Variants in MUTYH observed in about 807,000 individuals in gnomAD.
The protein encoded by MUTYH is mutY DNA glycosylase.
Under a neutral mutation model 72.9 loss-of-function variants are expected in MUTYH, and 64 were observed. The observed-to-expected ratio is 0.88, with a 90% CI of 0.72 to 1.08. The LOEUF (loss-of-function observed/expected upper bound fraction) is 1.08, where lower values mean the gene tolerates loss of function less well. MUTYH is among the 50% of genes least tolerant of loss of function. The probability of loss-of-function intolerance (pLI) is 0.00; values close to 1 mark genes in which losing one functional copy is unlikely to be tolerated. For missense variants in MUTYH, 633 were observed against 671.0 expected (o/e 0.94, Z 0.63); for synonymous variants, 234 against 263.1 (o/e 0.89, Z 1.07).
chr1:45,330,683 C>G, intron 14 of MUTYH, 126 bp from the exon 15 acceptor site: 2 of 1,147,506 alleles, frequency 1.7e-6, no homozygotes, highest in Non-Finnish European at 2.6e-6. Context: ...GGCATGGTGG[C>G]TCACGCCTAT....
rs1553128898 is a variant in MUTYH, at chr1:45,332,796, A to G, written c.459T>C (p.Ser153=). The change falls in exon 7 of 16, where the codon TCT becomes TCC. Residue 153 remains serine, a synonymous_variant. Transcript: ENST00000456914. ...NQLWAGLGYY[S]RGRRLQEGAR... is the part of the protein sequence containing the mutation. The stretch of plus-strand genomic sequence containing the variant: ...CTCCCTCCTGCAGCCGCCGGCCACG[A>G]GAATAGTAGCCCAGGCCAGCCCAGA... 2 of 1,614,102 alleles carry G rather than the reference A, an allele frequency of 1.2e-6. No homozygotes were observed. Among genetic ancestry groups the G allele is most frequent in the Non-Finnish European group, 1.7e-6 (2 of 1,180,000 alleles).
At chr1:45,338,273 G>C (rs1361614128) in intron 1 of MUTYH, 7 of 533,084 alleles carry the variant, frequency 1.3e-5, no homozygotes, top group South Asian at 3.1e-5. Flanking sequence ...CCAGTGATCC[G>C]GGCACCATCC....
chr1:45,336,447 G>T (rs1026540536), intron 1 of MUTYH, among the ~76,000 whole-genome samples: 1 of 152,194 alleles, frequency 6.6e-6, no homozygotes, highest in Admixed American at 6.5e-5. Context: ...ATCTACAAAA[G>T]AAGTGAAAAT....
At chr1:45,339,980 C>T (rs776814505), upstream of MUTYH, 3 of 1,530,304 alleles carry the variant, frequency 2.0e-6, no homozygotes, top group East Asian at 2.5e-5. Flanking sequence ...GATTACCTCC[C>T]GCGAGCTCTA....
intron 2 of MUTYH, among the ~76,000 whole-genome samples, chr1:45,333,798 C>T (rs1332579973): frequency 1.3e-5 from 2 of 152,144 alleles, no homozygotes; most frequent in African/African-American, 4.8e-5. Flanking sequence ...ATAATGAAAA[C>T]CTAATAGTTT....
intron 2 of MUTYH, among the ~76,000 whole-genome samples, chr1:45,333,937 G>A (rs1464917030): frequency 6.6e-6 from 1 of 152,168 alleles, no homozygotes; most frequent in Non-Finnish European, 1.5e-5. Flanking sequence ...CATTTTACTG[G>A]TAAGAAAGCA....
Position 45,333,178 on chromosome 1 carries a change from A to G in MUTYH, c.305-8T>C, listed in dbSNP as rs549410558. 1.2e-6 allele frequency: 2 copies of G among 1,614,156 alleles called. No individual in the cohort carries two copies. The highest frequency in any genetic ancestry group is 2.7e-5 in the African/African-American group (2 of 75,036). ...TGACCTCTGAGACCCACACTGGGGG[A>G]AAGGGGTTGGCATGAGGACACTGCT... On this transcript the variant is annotated splice_region_variant and splice_polypyrimidine_tract_variant and intron_variant, in intron 4 of 15. Transcript: ENST00000456914.
rs755635173 is a variant in MUTYH at position 45,332,437 on chromosome 1, C to T, written c.658G>A (p.Ala220Thr). Residue 220 changes from alanine to threonine, a missense_variant, in exon 9 of 16, where the codon GCC (alanine) becomes ACC (threonine). Physicochemically the swap from Ala to Thr is moderately conservative, Grantham distance 58 (BLOSUM62 0). Transcript: ENST00000456914. Reference protein sequence around the residue: ...NVARVLCRVRAIGADPSSTLV... With the variant: ...NVARVLCRVRTIGADPSSTLV... ...GTGCTGCTGGGATCAGCACCAATGG[C>T]TCGGACACGGCACAGCACCCGTGCT... 6.2e-7 allele frequency: 1 copy of T among 1,614,172 alleles called. No individual in the cohort carries two copies. The highest frequency in any genetic ancestry group is 1.7e-5 in the Admixed American group (1 of 60,034).
chr1:45,338,526 C>A (rs1016313702), intron 1 of MUTYH: 2 of 331,798 alleles, frequency 6.0e-6, no homozygotes, highest in African/African-American at 2.1e-5. Context: ...TTTTACATTA[C>A]TTTGATTCTT....
intron 1 of MUTYH, among the ~76,000 whole-genome samples, chr1:45,335,969 CA>C (rs1645820072): frequency 6.6e-6 from 1 of 152,136 alleles, no homozygotes; most frequent in African/African-American, 2.4e-5. Flanking sequence ...GCCTAAAGTC[CA>C]AACTCACTAA....
At position 45,333,621 on chromosome 1, in the gene MUTYH, G is replaced by A. The variant is rs777768682; in HGVS notation, c.116-60C>T. On this transcript the variant is annotated intron_variant, in intron 2 of 15. Coordinates refer to ENST00000456914, the MANE Select transcript of MUTYH (RefSeq NM_001048174.2). ...TGCACAGGCTGTGCATCAGGGTCTT[G>A]GGACACAGCAGCCTGTGGCAGTATG... The A allele has an allele frequency of 6.3e-7, 1 of 1,594,672 alleles. No individual in the cohort carries two copies. Among genetic ancestry groups the A allele is most frequent in the South Asian group, 1.1e-5 (1 of 89,940 alleles).
rs11403361 is a variant in MUTYH, at chr1:45,338,744, GTTT to G, written c.-7+1152_-7+1154del. 3.8e-4 allele frequency: 37 copies of G among 96,666 alleles called. 1 individual carries two copies. Among genetic ancestry groups the G allele is most frequent in the Admixed American group, 1.7e-3 (18 of 10,518 alleles). 6.0% of individuals were successfully genotyped at this position (96,666 alleles called of 1,614,324 possible). ...AAATCCAAAGAGTTTTTTTATTTTT[GTTT>G]TTTTTTTGTTTGTTTGTTTTGTTTT... On this transcript the variant is annotated intron_variant, in intron 1 of 15. Coordinates refer to ENST00000456914, the MANE Select transcript of MUTYH (RefSeq NM_001048174.2).
rs769713498 is a variant in MUTYH at position 45,329,457 on chromosome 1, G to C, written c.1435-20C>G. On this transcript the variant is annotated intron_variant, in intron 15 of 15. Coordinates refer to ENST00000456914, the MANE Select transcript of MUTYH (RefSeq NM_001048174.2). The stretch of plus-strand genomic sequence containing the variant: ...GGAACCCTGTGAAAAAATGGAAGGA[G>C]GGAGGCCTTGTAGTTGGGGGAGGGG... 6.2e-7 allele frequency: 1 copy of C among 1,613,684 alleles called. No homozygotes were observed.
chr1:45,338,716 G>A (rs1646350223), intron 1 of MUTYH: 1 of 174,274 alleles, frequency 5.7e-6, no homozygotes. Context: ...TTTAGGATAG[G>A]AGAAATCCAA....
chr1:45,329,517 T>TC, intron 15 of MUTYH, 80 bp from the exon 16 acceptor site: 2 of 1,557,672 alleles, frequency 1.3e-6, no homozygotes, highest in Non-Finnish European at 1.8e-6. Flanking sequence ...TCTCTCCCTT[T>TC]CCCCGACTCT....
rs200965879 is a variant in MUTYH, at chr1:45,332,588, T to C, written c.592A>G (p.Ile198Val). The change falls in exon 8 of 16, where the codon ATC (isoleucine) becomes GTC (valine). Residue 198 changes from isoleucine (I) to valine (V), a missense_variant. Ile to Val is a conservative substitution (Grantham distance 29). Coordinates refer to ENST00000456914, the MANE Select transcript of MUTYH (RefSeq NM_001048174.2). The stretch of plus-strand genomic sequence containing the variant: ...TGTGAGATCACCTGGCCAAAGGCGA[T>C]AGAGGCAATGGCCCCAGCTGTGTAG... ...GRYTAGAIAS[I>V]AFGQATGVVD... The C allele has an allele frequency of 6.8e-6, 11 of 1,614,106 alleles. No individual in the cohort carries two copies. Among genetic ancestry groups the C allele is most frequent in the East Asian group, 4.5e-5 (2 of 44,884 alleles).
Position 45,332,634 on chromosome 1 carries a change from C to T in MUTYH, c.546G>A (p.Gln182=), listed in dbSNP as rs1553128516. 1.2e-6 allele frequency: 2 copies of T among 1,614,180 alleles called. No homozygotes were observed. Among genetic ancestry groups the T allele is most frequent in the Non-Finnish European group, 1.7e-6 (2 of 1,180,016 alleles). ...TGTAGCGCCCCACGCCAGGCAGGAG[C>T]TGCTGCAGGGTCTCTGCTGTACGTG... ...HMPRTAETLQ[Q]LLPGVGRYTA... Residue 182 remains glutamine (Q), a synonymous_variant, in exon 8 of 16, where the codon CAG becomes CAA. Transcript: ENST00000456914.
intron 14 of MUTYH, among the ~76,000 whole-genome samples, chr1:45,330,855 C>T (rs1644691447): frequency 6.6e-6 from 1 of 152,012 alleles, no homozygotes; most frequent in African/African-American, 2.4e-5. Flanking sequence ...GAGGCTGAGG[C>T]GGGCGGATCA....
rs147923905 is a variant in MUTYH, at chr1:45,329,368, C to T, written c.1504G>A (p.Asp502Asn). Residue 502 changes from aspartate (D) to asparagine (N), a missense_variant, in exon 16 of 16, where the codon GAT becomes AAT. By Grantham distance (23) the Asp-to-Asn change is conservative. Transcript: ENST00000456914. ...GAGATGTGAGACCGAAAGAAATTAT[C>T]CAGGACTTGCTGGCCCATGCGGGGC... Reference protein sequence around the residue: ...KKPRMGQQVLDNFFRSHISTD... With the variant: ...KKPRMGQQVLNNFFRSHISTD... The T allele has an allele frequency of 6.2e-7, 1 of 1,614,192 alleles. No homozygotes were observed. Among genetic ancestry groups the T allele is most frequent in the South Asian group, 1.1e-5 (1 of 91,080 alleles).
Sources: allele counts gnomAD v4.1 joint callset (sites outside exome capture counted in the v4.1 genomes callset), GRCh38; gene constraint gnomAD v4.1.1; transcripts MANE v1.5; gene names NCBI Gene and HGNC (gene_info 2026-07-23, HGNC 2026-07-21).